Variants in CHD7 observed in about 807,000 individuals in gnomAD.
CHD7 encodes chromodomain helicase DNA binding protein 7, also known as ATP-dependent chromatin remodeler CHD7.
CHD7 carries 24 observed loss-of-function variants against 307.3 expected under a neutral mutation model. The ratio of observed to expected loss-of-function variants is 0.08; its 90% CI spans 0.06 to 0.11. CHD7 has a LOEUF of 0.11. Among genes scored for constraint, CHD7 ranks in the 10% least tolerant of loss-of-function variants. The pLI, the probability that CHD7 is intolerant of heterozygous loss-of-function variation, is 1.00. For missense variants in CHD7, 3,106 were observed against 3,727.1 expected (o/e 0.83, Z 4.34); for synonymous variants, 1,363 against 1,349.9 (o/e 1.01, Z -0.21).
chr8:60,759,518 CCTCTTTCT>C (rs1810070696), intron 2 of CHD7, among the ~76,000 whole-genome samples: 1 of 149,972 alleles, frequency 6.7e-6, no homozygotes, highest in South Asian at 2.1e-4. Context: ...TCCCTCTCTC[CCTCTTTCT>C]CTCAGTCTCT....
Position 60,845,019 on chromosome 8 carries a change from C to T in CHD7, c.5006C>T (p.Thr1669Ile), listed in dbSNP as rs1243009172. 2 of 1,614,010 alleles carry T rather than the reference C, an allele frequency of 1.2e-6. No individual in the cohort carries two copies. Among genetic ancestry groups the T allele is most frequent in the African/African-American group, 1.3e-5 (1 of 75,046 alleles). Residue 1669 changes from threonine (T) to isoleucine (I), a missense_variant, in exon 22 of 38, where the codon ACA becomes ATA. Around this residue, in one of 10 missense-constraint regions of CHD7, gnomAD observed 28 missense variants for 64.7 expected, o/e 0.43. Coordinates refer to ENST00000423902, the MANE Select transcript of CHD7 (RefSeq NM_017780.4). ...NIKSFIWDLI[T>I]PTADGQTRAL... ...AAAAGCTTCATCTGGGATCTGATCACACCCACAGCGGATGGCCAGACTCGA... is the reference window on the plus strand; with the variant it reads ...AAAAGCTTCATCTGGGATCTGATCATACCCACAGCGGATGGCCAGACTCGA...
chr8:60,779,550 T>C (rs1383848028), intron 2 of CHD7, among the ~76,000 whole-genome samples: 1 of 152,214 alleles, frequency 6.6e-6, no homozygotes, highest in Non-Finnish European at 1.5e-5. Flanking sequence ...TTAACACATC[T>C]AGCAAACATA....
At chr8:60,768,439 C>T (rs1810571730) in intron 2 of CHD7, among the ~76,000 whole-genome samples, 1 of 152,224 alleles carries the variant, frequency 6.6e-6, no homozygotes, top group African/African-American at 2.4e-5. Flanking sequence ...AAAGGAGCCA[C>T]TCACAGGCAG....
intron 35 of CHD7, chr8:60,861,513 GC>G (rs767978558): frequency 8.3e-4 from 143 of 171,410 alleles, no homozygotes; most frequent in Non-Finnish European, 1.6e-3. Context: ...GTGCTATGAA[GC>G]CAATTACTTC....
At chr8:60,747,440 G>T (rs1208844201) in intron 2 of CHD7, among the ~76,000 whole-genome samples, 1 of 152,154 alleles carries the variant, frequency 6.6e-6, no homozygotes, top group Non-Finnish European at 1.5e-5. Flanking sequence ...AAACCATTAT[G>T]TGTTAACATA....
chr8:60,686,139 G>T (rs767290413), intron 1 of CHD7, among the ~76,000 whole-genome samples: 13 of 152,138 alleles, frequency 8.5e-5, no homozygotes, highest in Non-Finnish European at 1.8e-4. Context: ...TGTGTTGTTT[G>T]TAGGGACATG....
At chr8:60,803,950 A>G (rs749039814) in intron 6 of CHD7, among the ~76,000 whole-genome samples, 3 of 152,208 alleles carry the variant, frequency 2.0e-5, no homozygotes, top group Non-Finnish European at 2.9e-5. Context: ...GAAACTGGCT[A>G]TGAGCTCTCA....
At chr8:60,769,218 C>T (rs1810604609) in intron 2 of CHD7, among the ~76,000 whole-genome samples, 1 of 152,140 alleles carries the variant, frequency 6.6e-6, no homozygotes, top group South Asian at 2.1e-4. Flanking sequence ...ATCACACAGC[C>T]GTTTAAACTG....
rs1422868780 is a variant in CHD7, at chr8:60,848,596, T to C, written c.5292T>C (p.Ala1764=). ...GDQADKILEG[A]DSSEADVWIP... ...AGGCGGATAAGATCTTAGAGGGTGC[T>C]GACTCAAGGTTAGTGCGAGCTCACA... The change falls in exon 24 of 38, where the codon GCT becomes GCC. Residue 1764 remains alanine, a synonymous_variant. Transcript: ENST00000423902. 6.2e-7 allele frequency: 1 copy of C among 1,612,752 alleles called. No homozygotes were observed. Among genetic ancestry groups the C allele is most frequent in the South Asian group, 1.1e-5 (1 of 90,798 alleles).
chr8:60,707,322 T>G (rs1807070952), intron 1 of CHD7, among the ~76,000 whole-genome samples: 1 of 152,168 alleles, frequency 6.6e-6, no homozygotes, highest in Non-Finnish European at 1.5e-5. Context: ...CATCCAGCAG[T>G]CTCCCTTGAC....
chr8:60,854,722 T>A (rs982256636), intron 32 of CHD7, among the ~76,000 whole-genome samples, 199 bp downstream of exon 32: 1 of 152,154 alleles, frequency 6.6e-6, no homozygotes, highest in African/African-American at 2.4e-5. Flanking sequence ...TCTAATAGGA[T>A]GGGAAATGTG....
At chr8:60,690,210 T>A (rs1806126904) in intron 1 of CHD7, among the ~76,000 whole-genome samples, 1 of 151,784 alleles carries the variant, frequency 6.6e-6, no homozygotes, top group African/African-American at 2.4e-5. Flanking sequence ...AAAAAAAAAA[T>A]CCCAAGTCTT....
intron 3 of CHD7, among the ~76,000 whole-genome samples, chr8:60,788,600 G>A (rs1811613075): frequency 6.6e-6 from 1 of 152,182 alleles, no homozygotes; most frequent in Non-Finnish European, 1.5e-5. Flanking sequence ...AGAATTTGTG[G>A]CTGGGGCTTA....
chr8:60,865,210 C>G lies in CHD7; in HGVS notation c.8271C>G (p.Ser2757Arg). ...NSLFAGMDLT[S>R]LQNLQNLQSL... ...TGTTTGCTGGAATGGACCTGACGAG[C>G]CTTCAGAATCTCCAGAATCTCCAGT... Residue 2757 changes from serine to arginine, a missense_variant, in exon 38 of 38, where the codon AGC (serine) becomes AGG (arginine). Ser to Arg is a moderately radical substitution (Grantham distance 110, BLOSUM62 -1). Around this residue, in one of 10 missense-constraint regions of CHD7, gnomAD observed 351 missense variants for 366.2 expected, o/e 0.96. Coordinates refer to ENST00000423902, the MANE Select transcript of CHD7 (RefSeq NM_017780.4). This position sits in a 1 kb window ranked among gnomAD's most constrained non-coding sequence, Gnocchi z 4.3. 1 of 1,610,576 alleles carries G rather than the reference C, an allele frequency of 6.2e-7. No individual in the cohort carries two copies. The highest frequency in any genetic ancestry group is 8.5e-7 in the Non-Finnish European group (1 of 1,178,394).
Position 60,865,837 on chromosome 8 carries a change from A to G in CHD7, c.8898A>G (p.Ala2966=). The change falls in exon 38 of 38, where the codon GCA becomes GCG. Residue 2966 remains alanine (A), a synonymous_variant. Transcript: ENST00000423902. The surrounding 1 kb of genome is among the most constrained non-coding windows in gnomAD (Gnocchi z 4.3). ...CCGAGGAGAGCCTGGATAAGACTGCAGAGTCCTCCCTCTTAGAAGACGAAA... is the reference window on the plus strand; with the variant it reads ...CCGAGGAGAGCCTGGATAAGACTGCGGAGTCCTCCCTCTTAGAAGACGAAA... ...SDAEESLDKT[A]ESSLLEDEIA... 1 of 1,613,680 alleles carries G rather than the reference A, an allele frequency of 6.2e-7. No homozygotes were observed. Among genetic ancestry groups the G allele is most frequent in the African/African-American group, 1.3e-5 (1 of 75,066 alleles).
At chr8:60,843,338 C>G (rs1382284552) in intron 21 of CHD7, among the ~76,000 whole-genome samples, 1 of 152,228 alleles carries the variant, frequency 6.6e-6, no homozygotes, top group African/African-American at 2.4e-5. Context: ...CTACCCATGC[C>G]TGCTGCCATG....
intron 2 of CHD7, among the ~76,000 whole-genome samples, chr8:60,749,639 G>T (rs536033444): frequency 6.6e-6 from 1 of 152,228 alleles, no homozygotes; most frequent in East Asian, 1.9e-4. Context: ...TGGTATTCAG[G>T]GGCTTTTGCA....
intron 1 of CHD7, among the ~76,000 whole-genome samples, chr8:60,712,022 T>C (rs1241959805): frequency 1.3e-5 from 2 of 152,234 alleles, no homozygotes. Flanking sequence ...GATGAACATC[T>C]TCCATATGCA....
At chr8:60,710,076 C>CTT (rs1210056051) in intron 1 of CHD7, among the ~76,000 whole-genome samples, 7 of 143,834 alleles carry the variant, frequency 4.9e-5, no homozygotes, top group African/African-American at 1.8e-4. Flanking sequence ...CCCAATGTCA[C>CTT]TTTTTTTTTT....
Sources: gnomAD v4.1 joint callset for allele counts (sites outside exome capture counted in the v4.1 genomes callset) on GRCh38, gnomAD v4.1.1 for gene constraint, gnomAD v4.1.1 regional missense constraint, Gnocchi (gnomAD v3.1) non-coding constraint, MANE v1.5 for transcripts, NCBI Gene and HGNC (gene_info 2026-07-23, HGNC 2026-07-21) for gene names.